Variants in MYH6 observed in about 807,000 individuals in gnomAD.
MYH6 encodes the protein myosin-6.
MYH6 carries 126 observed loss-of-function variants against 223.2 expected under a neutral mutation model. That is an observed-to-expected ratio of 0.56 (90% CI 0.49 to 0.65). The LOEUF is 0.65. Ranked by LOEUF, MYH6 falls within the 30% of genes least tolerant of loss-of-function variation. MYH6 has a pLI of 0.00. For synonymous variants in MYH6, 978 were observed against 1,010.2 expected (o/e 0.97, Z 0.61); for missense variants, 2,040 against 2,536.4 (o/e 0.80, Z 4.20).
rs1304053898 is a variant in MYH6, at chr14:23,389,622, G to A, written c.3830C>T (p.Thr1277Ile). Residue 1277 changes from threonine (T) to isoleucine (I), a missense_variant, in exon 27 of 39, where the codon ACC (threonine) becomes ATC (isoleucine). Around this residue, in one of 4 missense-constraint regions of MYH6, gnomAD observed 1,203 missense variants for 1,400.2 expected, o/e 0.86. Coordinates refer to ENST00000405093, the MANE Select transcript of MYH6 (RefSeq NM_002471.4). ...CTCGGTCTGCAGCTTGGCTCGCTGG[G>A]TGGTGAAATCATTGAGGGAGCGTTG... Reference protein sequence around the residue: ...EAQRSLNDFTTQRAKLQTENG... With the variant: ...EAQRSLNDFTIQRAKLQTENG... The A allele has an allele frequency of 1.9e-6, 3 of 1,614,240 alleles. No homozygotes were observed. Among genetic ancestry groups the A allele is most frequent in the Middle Eastern group, 1.6e-4 (1 of 6,062 alleles).
At position 23,382,594 on chromosome 14, in the gene MYH6, G is replaced by A. The variant is rs749811139; in HGVS notation, c.5662-32C>T. 13 of 1,614,160 alleles carry A rather than the reference G, an allele frequency of 8.1e-6. No homozygotes were observed. In the East Asian group the frequency reaches 2.2e-4, roughly 28 times the overall value. ...TGGGACAGTGGGGATGGGTGAATGA[G>A]CTGGAGATGGGCTATGGGATTCTCA... On this transcript the variant is annotated intron_variant, in intron 37 of 38. Coordinates refer to ENST00000405093, the MANE Select transcript of MYH6 (RefSeq NM_002471.4).
chr14:23,396,887 C>A, intron 18 of MYH6, 70 bp from the exon 19 acceptor site: 2 of 1,612,714 alleles, frequency 1.2e-6, no homozygotes, highest in African/African-American at 2.7e-5. Flanking sequence ...ATTCCAGGGT[C>A]ACCTGCAGAT....
intron 23 of MYH6, 119 bp downstream of exon 23, chr14:23,393,221 CAG>C: frequency 6.7e-7 from 1 of 1,494,796 alleles, no homozygotes. Context: ...TGAGGAACTA[CAG>C]AGAGCAAAAA....
At chr14:23,388,378 T>C in intron 29 of MYH6, 40 bp from the exon 30 acceptor site, 2 of 1,609,410 alleles carry the variant, frequency 1.2e-6, no homozygotes, top group Non-Finnish European at 1.7e-6. Flanking sequence ...GTGACTCTAC[T>C]GGGCAACACT....
At chr14:23,403,471 G>A (rs762931899) in intron 9 of MYH6, 25 bp from the exon 10 acceptor site, 12 of 1,591,456 alleles carry the variant, frequency 7.5e-6, no homozygotes, top group Admixed American at 1.7e-5. Context: ...GGGGAGGAAG[G>A]CAGGTGAGGA....
In MYH6 at chr14:23,407,439, T is replaced by C; in HGVS notation, c.-14+137A>G. 1 of 1,133,442 alleles carries C rather than the reference T, an allele frequency of 8.8e-7. No homozygotes were observed. Among genetic ancestry groups the C allele is most frequent in the Non-Finnish European group, 1.2e-6 (1 of 824,850 alleles). The allele number at this position is 1,133,442 out of a possible 1,614,324, so 70.2% of individuals were successfully genotyped here. A position where few individuals can be genotyped will look rare whatever the true frequency, so the allele number is the denominator to read the frequency against. On this transcript the variant is annotated intron_variant, in intron 2 of 38. Transcript: ENST00000405093. The surrounding 1 kb of genome is among the most constrained non-coding windows in gnomAD (Gnocchi z 5.6). ...CTGAAGGACAATCTCTGTAAGGGGT[T>C]TCCCTGGGGTGGCATTGGCTGGAGT...
chr14:23,396,858 G>C (rs1394916238), intron 18 of MYH6, 41 bp from the exon 19 acceptor site: 1 of 1,613,252 alleles, frequency 6.2e-7, no homozygotes, highest in Non-Finnish European at 8.5e-7. Context: ...GCTCTGCAGT[G>C]ATCTGCTCTG....
chr14:23,397,546 G>A lies in MYH6; in HGVS notation c.1959C>T (p.His653=). The change falls in exon 16 of 39, where the codon CAC becomes CAT. Residue 653 remains histidine, a synonymous_variant. Transcript: ENST00000405093. ...GSSFQTVSAL[H]RENLNKLMTN... ...GGCACCCCTGGGCCCTTCTTACCCGGTGGAGAGCCGACACCGTCTGGAAGG... is the reference window on the plus strand; with the variant it reads ...GGCACCCCTGGGCCCTTCTTACCCGATGGAGAGCCGACACCGTCTGGAAGG... The A allele has an allele frequency of 1.2e-6, 2 of 1,614,180 alleles. No homozygotes were observed. Among genetic ancestry groups the A allele is most frequent in the Non-Finnish European group, 1.7e-6 (2 of 1,180,024 alleles).
At chr14:23,400,092 G>C in intron 14 of MYH6, 164 bp downstream of exon 14, 1 of 1,044,816 alleles carries the variant, frequency 9.6e-7, no homozygotes, top group East Asian at 2.6e-5. Context: ...AAGAGTGGGG[G>C]GATCATCCTG....
In MYH6 at chr14:23,404,495, G is replaced by T. The variant is rs1375551358; in HGVS notation, c.643-107C>A. ...CCTGAGGAATGGGGGTGCGGGGCTG[G>T]GTGAACCGCTAGTGGGTCTGCGACT... On this transcript the variant is annotated intron_variant, in intron 7 of 38. Coordinates refer to ENST00000405093, the MANE Select transcript of MYH6 (RefSeq NM_002471.4). The T allele has an allele frequency of 2.2e-6, 3 of 1,350,764 alleles. No individual in the cohort carries two copies. The East Asian group carries it at 6.9e-5, about 31-fold the overall frequency. 83.7% of individuals were successfully genotyped at this position (1,350,764 alleles called of 1,614,324 possible).
Position 23,386,642 on chromosome 14 carries a change from AGGGC to A in MYH6, c.4651-23_4651-20del. ...GGGAGGCCTGGGAAGGGGTGGGGCG[AGGGC>A]GGGCAGACAGGGCACAGGGCAGGGT... is the stretch of plus-strand genomic sequence containing the variant. On this transcript the variant is annotated intron_variant, in intron 32 of 38. Coordinates refer to ENST00000405093, the MANE Select transcript of MYH6 (RefSeq NM_002471.4). 4.4e-6 allele frequency: 4 copies of A among 917,002 alleles called. No individual in the cohort carries two copies. The highest frequency in any genetic ancestry group is 6.7e-6 in the Non-Finnish European group (4 of 596,858). The allele number at this position is 917,002 out of a possible 1,614,324, so 56.8% of individuals were successfully genotyped here.
Position 23,387,617 on chromosome 14 carries a change from C to T in MYH6, c.4562G>A (p.Gly1521Glu), listed in dbSNP as rs1426111127. Residue 1521 changes from glycine to glutamate, a missense_variant, in exon 32 of 39, where the codon GGA becomes GAA. By Grantham distance (98) the Gly-to-Glu change is moderately conservative. Coordinates refer to ENST00000405093, the MANE Select transcript of MYH6 (RefSeq NM_002471.4). ...CTCCAGCTCATGCACATTCTTTCCT[C>T]CTTCTCCTAGCTGCTCAGTAAGGTC... ...ISDLTEQLGEGGKNVHELEKV... is the reference protein window; with the variant it reads ...ISDLTEQLGEEGKNVHELEKV... 1.2e-6 allele frequency: 2 copies of T among 1,613,982 alleles called. No homozygotes were observed. The highest frequency in any genetic ancestry group is 1.7e-6 in the Non-Finnish European group (2 of 1,180,028).
intron 20 of MYH6, 117 bp downstream of exon 20, chr14:23,396,167 G>A: frequency 1.5e-6 from 2 of 1,318,114 alleles, no homozygotes; most frequent in Non-Finnish European, 2.2e-6. Context: ...AAGTGGTAAA[G>A]TAACTTGCCC....
At chr14:23,404,609 G>A (rs1662527959) in intron 7 of MYH6, 102 bp downstream of exon 7, 3 of 1,231,254 alleles carry the variant, frequency 2.4e-6, no homozygotes, top group South Asian at 2.5e-5. Context: ...CCAGCTCAGT[G>A]TGGCTGTCCC....
chr14:23,396,508 A>G, intron 19 of MYH6, 88 bp from the exon 20 acceptor site: 1 of 1,579,054 alleles, frequency 6.3e-7, no homozygotes, highest in Non-Finnish European at 8.6e-7. Flanking sequence ...CAGGTGACCC[A>G]TCACCCCATG....
chr14:23,388,342 C>T lies in MYH6; in HGVS notation c.4176-4G>A, dbSNP rs1168222707. 2 of 1,612,626 alleles carry T rather than the reference C, an allele frequency of 1.2e-6. No homozygotes were observed. The highest frequency in any genetic ancestry group is 1.7e-5 in the Admixed American group (1 of 60,022). ...CAGCCGCTGGGCCAGCTTCTTTCTG[C>T]CCAGGTGAGGGTGGAGGGTGTGTGT... is the stretch of plus-strand genomic sequence containing the variant. On this transcript the variant is annotated splice_polypyrimidine_tract_variant and splice_region_variant and intron_variant, in intron 29 of 38. Transcript: ENST00000405093.
In MYH6 at chr14:23,397,994, C is replaced by G. The variant is rs1036867702; in HGVS notation, c.1892-381G>C. Among the ~76,000 whole-genome samples the G allele has an allele frequency of 1.4e-5, 2 of 143,158 alleles. 1 individual carries two copies. The highest frequency in any genetic ancestry group is 3.0e-5 in the Non-Finnish European group (2 of 66,486). The allele number at this position is 143,158 out of a possible 152,430, so 93.9% of individuals were successfully genotyped here. ...TCTTCTTCTTCTTCTTCTTCTTCTT[C>G]TTCTTCTTCTTCTTCTTCTTCTTCT... On this transcript the variant is annotated intron_variant, in intron 15 of 38. Transcript: ENST00000405093.
At chr14:23,387,701 C>A in intron 31 of MYH6, 48 bp from the exon 32 acceptor site, 1 of 1,614,132 alleles carries the variant, frequency 6.2e-7, no homozygotes, top group Non-Finnish European at 8.5e-7. Context: ...TCCCCCTGCC[C>A]CTGCATGGCC....
At chr14:23,403,488 G>A (rs370576564) in intron 9 of MYH6, 42 bp from the exon 10 acceptor site, 4 of 1,560,628 alleles carry the variant, frequency 2.6e-6, no homozygotes, top group Non-Finnish European at 3.5e-6. Flanking sequence ...AGGAAGGAAA[G>A]AGAGTAGAGC....
Sources: allele counts gnomAD v4.1 joint callset (sites outside exome capture counted in the v4.1 genomes callset), GRCh38; gene constraint gnomAD v4.1.1; regional missense constraint gnomAD v4.1.1; non-coding constraint Gnocchi (gnomAD v3.1); transcripts MANE v1.5; gene names NCBI Gene and HGNC (gene_info 2026-07-23, HGNC 2026-07-21).